The following ITSN1 variants were observed in gnomAD, a reference collection of about 807,000 sequenced individuals.
The protein encoded by ITSN1 is intersectin-1.
A neutral mutation model predicts 239.8 loss-of-function variants in ITSN1; 58 were observed. That is an observed-to-expected ratio of 0.24 (90% CI 0.20 to 0.30). ITSN1 has a LOEUF of 0.30. Ranked by LOEUF, ITSN1 falls within the 10% of genes least tolerant of loss-of-function variation. The probability of loss-of-function intolerance (pLI) is 1.00; values close to 1 mark genes in which losing one functional copy is unlikely to be tolerated. For synonymous variants in ITSN1, 780 were observed against 770.8 expected (o/e 1.01, Z -0.20); for missense variants, 1,558 against 2,103.3 (o/e 0.74, Z 5.07).
intron 20 of ITSN1, among the ~76,000 whole-genome samples, chr21:33,806,315 C>A (rs373507532): frequency 5.3e-5 from 8 of 152,336 alleles, no homozygotes; most frequent in African/African-American, 1.7e-4. Context: ...CACTCCTCAA[C>A]ACATCCCATG....
At chr21:33,834,812 G>A (rs2074506280) in intron 28 of ITSN1, among the ~76,000 whole-genome samples, 1 of 151,958 alleles carries the variant, frequency 6.6e-6, no homozygotes. Flanking sequence ...ATGAGATGGA[G>A]CTGGGGGCCA....
At chr21:33,780,904 C>G (rs545445771) in intron 14 of ITSN1, among the ~76,000 whole-genome samples, 1 of 152,284 alleles carries the variant, frequency 6.6e-6, no homozygotes, top group Admixed American at 6.5e-5. Flanking sequence ...TGCTTCAAAA[C>G]TTTTGTGTAC....
intron 14 of ITSN1, among the ~76,000 whole-genome samples, chr21:33,776,137 T>C (rs1314029439): frequency 1.3e-5 from 2 of 152,228 alleles, no homozygotes; most frequent in Non-Finnish European, 2.9e-5. Flanking sequence ...TGTGGAACTT[T>C]TATGAATAAA....
At position 33,865,555 on chromosome 21, in the gene ITSN1, C is replaced by A. The variant is rs1026529206; in HGVS notation, c.4074+221C>A. Among the ~76,000 whole-genome samples the A allele has an allele frequency of 6.6e-6, 1 of 152,216 alleles. No homozygotes were observed. The highest frequency in any genetic ancestry group is 1.5e-5 in the Non-Finnish European group (1 of 68,048). On this transcript the variant is annotated intron_variant, in intron 32 of 39. Transcript: ENST00000381318. This position sits in a 1 kb window ranked among gnomAD's most constrained non-coding sequence, Gnocchi z 4.4. ...GAGGGGTGAACCCTGGGCTTGGAAG[C>A]TTTGAAAGTGTCTTTAGGGATCTGT...
intron 1 of ITSN1, among the ~76,000 whole-genome samples, chr21:33,687,685 A>G (rs960335611): frequency 5.9e-5 from 9 of 152,212 alleles, no homozygotes; most frequent in African/African-American, 1.4e-4. Flanking sequence ...TTCCAAATAC[A>G]TAGTTAGGGA....
At chr21:33,831,959 TG>T (rs1172095966) in intron 27 of ITSN1, among the ~76,000 whole-genome samples, 1 of 152,144 alleles carries the variant, frequency 6.6e-6, no homozygotes, top group Non-Finnish European at 1.5e-5. Context: ...TGCTTAGAGT[TG>T]TGCTGTATCA....
chr21:33,879,076 C>T (rs961724727), intron 34 of ITSN1, among the ~76,000 whole-genome samples: 4 of 152,220 alleles, frequency 2.6e-5, no homozygotes, highest in South Asian at 2.1e-4. Context: ...GGCCAAGCAC[C>T]GTGTCTCAGG....
At chr21:33,750,076 G>A in intron 5 of ITSN1, 67 bp from the exon 6 acceptor site, 1 of 1,421,946 alleles carries the variant, frequency 7.0e-7, no homozygotes, top group Non-Finnish European at 9.9e-7. Flanking sequence ...GCAGTACTGG[G>A]TTAATTATTA....
At chr21:33,715,635 C>T (rs1271954610) in intron 1 of ITSN1, among the ~76,000 whole-genome samples, 1 of 152,188 alleles carries the variant, frequency 6.6e-6, no homozygotes, top group African/African-American at 2.4e-5. Context: ...GCTGCAATTT[C>T]TAAAGGGAAT....
chr21:33,704,536 G>C (rs975054966), intron 1 of ITSN1, among the ~76,000 whole-genome samples: 4 of 152,082 alleles, frequency 2.6e-5, no homozygotes, highest in Non-Finnish European at 5.9e-5. Flanking sequence ...TTAGTCTCTG[G>C]AAGAGGGAAT....
chr21:33,885,343 C>G (rs773675700), intron 37 of ITSN1, 96 bp from the exon 38 acceptor site: 10 of 1,217,478 alleles, frequency 8.2e-6, no homozygotes, highest in Admixed American at 1.8e-5. Context: ...ACTTTTGAGT[C>G]GGGAGAGGTA....
At chr21:33,751,036 C>T (rs1427821719) in intron 6 of ITSN1, among the ~76,000 whole-genome samples, 1 of 152,114 alleles carries the variant, frequency 6.6e-6, no homozygotes, top group African/African-American at 2.4e-5. Flanking sequence ...GCGCCTTTGG[C>T]CCCCTGAATT....
chr21:33,767,701 C>G lies in ITSN1; in HGVS notation c.927-12C>G. Reference sequence around the variant, plus strand: ...TGTGTGAATCTATTTTTCTTTTTCCCCGCAATTGCAGAAGAGTTCGATCTG... The same window carrying G: ...TGTGTGAATCTATTTTTCTTTTTCCGCGCAATTGCAGAAGAGTTCGATCTG... On this transcript the variant is annotated splice_polypyrimidine_tract_variant and intron_variant, in intron 10 of 39. Transcript: ENST00000381318. 6.6e-7 allele frequency: 1 copy of G among 1,511,236 alleles called. No individual in the cohort carries two copies. The highest frequency in any genetic ancestry group is 9.1e-7 in the Non-Finnish European group (1 of 1,097,132). The allele number at this position is 1,511,236 out of a possible 1,614,324, so 93.6% of individuals were successfully genotyped here. A position where few individuals can be genotyped will look rare whatever the true frequency, so the allele number is the denominator to read the frequency against.
rs1425009835 is a variant in ITSN1 at position 33,885,073 on chromosome 21, C to A, written c.4709C>A (p.Ser1570Tyr). ...TAWVQKIKAA[S>Y]ELYIETEKKK... ...TGGGTGCAGAAAATCAAAGCTGCTT[C>A]TGAACTCTACATAGAGACTGAGAAA... Residue 1570 changes from serine (S) to tyrosine (Y), a missense_variant, in exon 37 of 40, where the codon TCT becomes TAT. Around this residue, in one of 2 missense-constraint regions of ITSN1, gnomAD observed 576 missense variants for 893.3 expected, o/e 0.64. Transcript: ENST00000381318. 1 of 1,614,126 alleles carries A rather than the reference C, an allele frequency of 6.2e-7. No individual in the cohort carries two copies. The highest frequency in any genetic ancestry group is 8.5e-7 in the Non-Finnish European group (1 of 1,180,014).
intron 30 of ITSN1, among the ~76,000 whole-genome samples, chr21:33,857,622 C>T (rs1224285099): frequency 6.6e-6 from 1 of 152,192 alleles, no homozygotes; most frequent in Non-Finnish European, 1.5e-5. Context: ...AGGAAAGACG[C>T]AGCAGGGCTC....
intron 31 of ITSN1, among the ~76,000 whole-genome samples, chr21:33,864,082 G>T (rs1473307528): frequency 6.6e-6 from 1 of 152,232 alleles, no homozygotes; most frequent in African/African-American, 2.4e-5. Flanking sequence ...AAAGTGATCT[G>T]AAGTTTTTAA....
intron 1 of ITSN1, among the ~76,000 whole-genome samples, chr21:33,716,278 G>A (rs999911581): frequency 6.6e-6 from 1 of 152,180 alleles, no homozygotes; most frequent in African/African-American, 2.4e-5. Flanking sequence ...AACTACTTCA[G>A]TCCCGTCTGC....
intron 5 of ITSN1, chr21:33,735,481 G>GTT (rs774042488): frequency 3.8e-3 from 990 of 259,510 alleles, no homozygotes; most frequent in Middle Eastern, 8.9e-3. Flanking sequence ...CAGCTTCTGG[G>GTT]TTTTTTTTTT....
intron 34 of ITSN1, among the ~76,000 whole-genome samples, chr21:33,880,663 G>A (rs534386634): frequency 2.1e-4 from 32 of 152,194 alleles, no homozygotes; most frequent in Non-Finnish European, 3.1e-4. Context: ...AGCTTCTTTT[G>A]GGGGACACAT....
Sources: gnomAD v4.1 joint callset for allele counts (sites outside exome capture counted in the v4.1 genomes callset) on GRCh38, gnomAD v4.1.1 for gene constraint, gnomAD v4.1.1 regional missense constraint, Gnocchi (gnomAD v3.1) non-coding constraint, MANE v1.5 for transcripts, NCBI Gene and HGNC (gene_info 2026-07-23, HGNC 2026-07-21) for gene names.